The following PIK3C2A variants were observed in gnomAD, a reference collection of about 807,000 sequenced individuals.
PIK3C2A encodes phosphatidylinositol-4-phosphate 3-kinase catalytic subunit type 2 alpha.
Under a neutral mutation model 204.5 loss-of-function variants are expected in PIK3C2A, and 97 were observed. That is an observed-to-expected ratio of 0.47 (90% CI 0.40 to 0.56). The LOEUF (loss-of-function observed/expected upper bound fraction) is 0.56. Among genes scored for constraint, PIK3C2A ranks in the 20% least tolerant of loss-of-function variants. The pLI is 0.00. For missense variants in PIK3C2A, 1,735 were observed against 1,969.2 expected, an observed-to-expected ratio of 0.88 and a Z score of 2.25; for synonymous variants, 653 against 664.4, an observed-to-expected ratio of 0.98 and a Z score of 0.26.
At chr11:17,103,688 T>C (rs1848716169) in intron 23 of PIK3C2A, among the ~76,000 whole-genome samples, 1 of 152,214 alleles carries the variant, frequency 6.6e-6, no homozygotes, top group South Asian at 2.1e-4. Flanking sequence ...ACTATCATCA[T>C]AACAATTGTA....
chr11:17,094,887 T>C (rs1848408764), intron 27 of PIK3C2A, among the ~76,000 whole-genome samples: 1 of 152,192 alleles, frequency 6.6e-6, no homozygotes, highest in Non-Finnish European at 1.5e-5. Flanking sequence ...TATAAGTCAT[T>C]GTATTTATAA....
At position 17,118,106 on chromosome 11, in the gene PIK3C2A, C is replaced by T. The variant is rs1215368235; in HGVS notation, c.3036-435G>A. ...TTTTTTTTTGAGACCAGGTCTGGCT[C>T]TGTTGCCCAGGCTGGAGTCCAGTGG... On this transcript the variant is annotated intron_variant, in intron 18 of 32. Coordinates refer to ENST00000691414, the MANE Select transcript of PIK3C2A (RefSeq NM_002645.4). Among the ~76,000 whole-genome samples the T allele has an allele frequency of 3.5e-5, 5 of 142,668 alleles. No homozygotes were observed. The East Asian group carries it at 1.0e-3, about 30-fold the overall frequency. 93.6% of individuals were successfully genotyped at this position (142,668 alleles called of 152,430 possible). A position where few individuals can be genotyped will look rare whatever the true frequency, so the allele number is the denominator to read the frequency against.
At chr11:17,194,832 C>T (rs1852087068) in intron 1 of PIK3C2A, among the ~76,000 whole-genome samples, 1 of 151,292 alleles carries the variant, frequency 6.6e-6, no homozygotes, top group Non-Finnish European at 1.5e-5. Flanking sequence ...TTGCTTGAAC[C>T]CAGGAGGCAG....
Position 17,129,407 on chromosome 11 carries a change from A to G in PIK3C2A, c.2292T>C (p.Leu764=), listed in dbSNP as rs138999902. The G allele has an allele frequency of 1.9e-4, 299 of 1,611,360 alleles. No individual in the cohort carries two copies. In the African/African-American group the frequency reaches 3.5e-3, roughly 19 times the overall value. ...LPLESVLHLT[L]FGILNQSSGS... is the part of the protein sequence containing the mutation. ...CACTGCTCTGATTTAAAATTCCAAAAAGAGTAAGGTGAAGAACTGATTCTA... is the reference window on the plus strand; with the variant it reads ...CACTGCTCTGATTTAAAATTCCAAAGAGAGTAAGGTGAAGAACTGATTCTA... Residue 764 remains leucine, a synonymous_variant, in exon 13 of 33, where the codon CTT becomes CTC. Transcript: ENST00000691414.
At chr11:17,097,310 G>A in intron 26 of PIK3C2A, 46 bp from the exon 27 acceptor site, 1 of 1,173,750 alleles carries the variant, frequency 8.5e-7, no homozygotes. Context: ...GAGAACACAT[G>A]GTAAATTCTT....
intron 2 of PIK3C2A, among the ~76,000 whole-genome samples, chr11:17,156,779 G>C (rs150629533): frequency 2.0e-5 from 3 of 151,998 alleles, no homozygotes; most frequent in Admixed American, 2.0e-4. Flanking sequence ...TAAATACTTC[G>C]AGTGCTACAA....
At chr11:17,187,259 GA>G (rs1206513443) in intron 1 of PIK3C2A, among the ~76,000 whole-genome samples, 1 of 152,134 alleles carries the variant, frequency 6.6e-6, no homozygotes, top group African/African-American at 2.4e-5. Flanking sequence ...TAAATACAAG[GA>G]ACAGAGTATC....
At chr11:17,148,299 G>C (rs1188043197) in intron 5 of PIK3C2A, 1 of 159,826 alleles carries the variant, frequency 6.3e-6, no homozygotes, top group African/African-American at 2.4e-5. Context: ...AATCACAGCT[G>C]ACTACTGTGC....
At chr11:17,173,672 G>A (rs1329547418) in intron 1 of PIK3C2A, among the ~76,000 whole-genome samples, 1 of 152,178 alleles carries the variant, frequency 6.6e-6, no homozygotes, top group East Asian at 1.9e-4. Flanking sequence ...GTGAACCTAT[G>A]TGTCTACCCA....
chr11:17,100,069 C>T (rs1432820247), intron 25 of PIK3C2A, 100 bp from the exon 26 acceptor site: 1 of 641,102 alleles, frequency 1.6e-6, no homozygotes, highest in Non-Finnish European at 2.8e-6. Context: ...CTAAAGCAAA[C>T]AAAAATAATC....
chr11:17,185,211 C>T (rs111926639), intron 1 of PIK3C2A, among the ~76,000 whole-genome samples: 4 of 152,120 alleles, frequency 2.6e-5, no homozygotes, highest in African/African-American at 9.7e-5. Context: ...AAATACTTAA[C>T]AATTGTTGCA....
At chr11:17,138,760 G>C (rs1196785872) in intron 8 of PIK3C2A, among the ~76,000 whole-genome samples, 2 of 152,064 alleles carry the variant, frequency 1.3e-5, no homozygotes, top group African/African-American at 2.4e-5. Context: ...ATAAACAAAT[G>C]ACCAAATGAC....
intron 1 of PIK3C2A, among the ~76,000 whole-genome samples, chr11:17,198,376 C>T (rs571093075): frequency 3.3e-5 from 5 of 151,974 alleles, no homozygotes; most frequent in Admixed American, 1.3e-4. Context: ...TCCCAAAGTG[C>T]TGGGATTACA....
At position 17,092,264 on chromosome 11, in the gene PIK3C2A, C is replaced by T; in HGVS notation, c.4464G>A (p.Arg1488=). 3 of 1,519,224 alleles carry T rather than the reference C, an allele frequency of 2.0e-6. No homozygotes were observed. 94.1% of individuals were successfully genotyped at this position (1,519,224 alleles called of 1,614,324 possible). ...PLWKLPGFPN[R]MVLGRTHIKD... ...TTATGTGTGTTCTTCCTAGAACCAT[C>T]CTATTAGGAAAGCTACAAAAGAAAA... The change falls in exon 29 of 33, where the codon AGG becomes AGA. Residue 1488 remains arginine, a synonymous_variant. Coordinates refer to ENST00000691414, the MANE Select transcript of PIK3C2A (RefSeq NM_002645.4).
chr11:17,195,080 T>C (rs942355942), intron 1 of PIK3C2A, among the ~76,000 whole-genome samples: 2 of 152,174 alleles, frequency 1.3e-5, no homozygotes, highest in Non-Finnish European at 2.9e-5. Flanking sequence ...AACTTAATTT[T>C]ACCCTGTGGA....
chr11:17,191,516 T>C (rs890397570), intron 1 of PIK3C2A, among the ~76,000 whole-genome samples: 1 of 152,224 alleles, frequency 6.6e-6, no homozygotes, highest in Non-Finnish European at 1.5e-5. Flanking sequence ...CCTGACTTAA[T>C]GGGGAGCGAA....
In PIK3C2A at chr11:17,102,207, C is replaced by T. The variant is rs576170795; in HGVS notation, c.3851+455G>A. On this transcript the variant is annotated intron_variant, in intron 24 of 32. Coordinates refer to ENST00000691414, the MANE Select transcript of PIK3C2A (RefSeq NM_002645.4). ...ATCCCAGCACTTTGGGAGGCCGAGG[C>T]GGGTAGATCACTTGGTCAGGAGATC... 6.6e-5 allele frequency among the ~76,000 whole-genome samples: 10 copies of T among 152,168 alleles called. No homozygotes were observed. In the Middle Eastern group the frequency reaches 0.017, roughly 261 times the overall value.
intron 1 of PIK3C2A, among the ~76,000 whole-genome samples, chr11:17,190,779 A>G (rs1157288402): frequency 6.6e-6 from 1 of 152,140 alleles, no homozygotes; most frequent in East Asian, 1.9e-4. Flanking sequence ...TCAATAGAAA[A>G]TATCCAAAAT....
At chr11:17,161,133 T>C (rs1247634249) in intron 2 of PIK3C2A, among the ~76,000 whole-genome samples, 1 of 152,150 alleles carries the variant, frequency 6.6e-6, no homozygotes, top group Non-Finnish European at 1.5e-5. Flanking sequence ...TACAAGAATA[T>C]GGGGAAGATT....
Sources: gnomAD v4.1 joint callset for allele counts (sites outside exome capture counted in the v4.1 genomes callset) on GRCh38, gnomAD v4.1.1 for gene constraint, MANE v1.5 for transcripts, NCBI Gene and HGNC (gene_info 2026-07-23, HGNC 2026-07-21) for gene names.